LRRC8D: variants seen among roughly 807,000 people sequenced by gnomAD.
LRRC8D encodes the protein leucine rich repeat containing 8 VRAC subunit D.
In LRRC8D, 20 loss-of-function variants were observed where a neutral mutation model predicts 55.8. That is an observed-to-expected ratio of 0.36 (90% CI 0.25 to 0.52). The LOEUF is 0.52. LRRC8D is among the 20% of genes least tolerant of loss of function. The probability of loss-of-function intolerance (pLI) is 0.93; values close to 1 mark genes in which losing one functional copy is unlikely to be tolerated. For synonymous variants in LRRC8D, 352 were observed against 377.0 expected, an observed-to-expected ratio of 0.93 and a Z score of 0.77; for missense variants, 651 against 1,030.8, an observed-to-expected ratio of 0.63 and a Z score of 5.05.
chr1:89,903,268 G>A (rs540403056), intron 2 of LRRC8D, among the ~76,000 whole-genome samples: 148 of 152,338 alleles, frequency 9.7e-4, no homozygotes, highest in African/African-American at 3.4e-3. Context: ...CATTTGAGTT[G>A]TTGGACTGAT....
At position 89,933,267 on chromosome 1, in the gene LRRC8D, C is replaced by T; in HGVS notation, c.199C>T (p.His67Tyr). The T allele has an allele frequency of 6.2e-7, 1 of 1,614,184 alleles. No individual in the cohort carries two copies. The highest frequency in any genetic ancestry group is 8.5e-7 in the Non-Finnish European group (1 of 1,180,038). ...GCCATCTCCTGTAAATTCAAAGGCACATACACCACCAGGAAATGCCGAGGT... is the reference window on the plus strand; with the variant it reads ...GCCATCTCCTGTAAATTCAAAGGCATATACACCACCAGGAAATGCCGAGGT... ...VLPSPVNSKA[H>Y]TPPGNAEVTT... Residue 67 changes from histidine (H) to tyrosine (Y), a missense_variant, in exon 3 of 3, where the codon CAT becomes TAT. His to Tyr is a moderately conservative substitution (Grantham distance 83, BLOSUM62 2). Transcript: ENST00000337338. The surrounding 1 kb of genome is among the most constrained non-coding windows in gnomAD (Gnocchi z 7.0).
chr1:89,887,750 A>G (rs1662460107), intron 2 of LRRC8D, among the ~76,000 whole-genome samples: 1 of 152,182 alleles, frequency 6.6e-6, no homozygotes, highest in South Asian at 2.1e-4. Flanking sequence ...GCCTTATGCA[A>G]TCAAAATTTC....
At chr1:89,904,595 C>T (rs1334335085) in intron 2 of LRRC8D, among the ~76,000 whole-genome samples, 2 of 152,144 alleles carry the variant, frequency 1.3e-5, no homozygotes, top group Admixed American at 6.5e-5. Context: ...ACATGCTTTA[C>T]CTGGAGCTCT....
chr1:89,884,474 A>T (rs942030456), intron 2 of LRRC8D, among the ~76,000 whole-genome samples: 1 of 152,246 alleles, frequency 6.6e-6, no homozygotes, highest in Non-Finnish European at 1.5e-5. Flanking sequence ...AAGCAAAGAT[A>T]AGTATTGAAT....
Position 89,915,224 on chromosome 1 carries a change from G to A in LRRC8D, c.-2-17843G>A, listed in dbSNP as rs1049873351. Among the ~76,000 whole-genome samples, 10 of 152,224 alleles carry A rather than the reference G, an allele frequency of 6.6e-5. No individual in the cohort carries two copies. In the South Asian group the frequency reaches 1.0e-3, roughly 16 times the overall value. ...TCCTAAATACCTAACAGAGTGTAGC[G>A]TTTAGGAATGAATAGATTAATGATT... On this transcript the variant is annotated intron_variant, in intron 2 of 2. Coordinates refer to ENST00000337338, the MANE Select transcript of LRRC8D (RefSeq NM_001134479.2).
chr1:89,904,925 C>T (rs1455343032), intron 2 of LRRC8D, among the ~76,000 whole-genome samples: 2 of 152,098 alleles, frequency 1.3e-5, no homozygotes, highest in East Asian at 1.9e-4. Flanking sequence ...ATCCAGTATC[C>T]TTGCTGTTAT....
chr1:89,930,338 C>T lies in LRRC8D; in HGVS notation c.-2-2729C>T, dbSNP rs115110015. ...GCCTCCCAAGTAGCTGGGATTAAAG[C>T]GTGAACCACTATGCCTGGCTAATTT... is the stretch of plus-strand genomic sequence containing the variant. On this transcript the variant is annotated intron_variant, in intron 2 of 2. Coordinates refer to ENST00000337338, the MANE Select transcript of LRRC8D (RefSeq NM_001134479.2). Among the ~76,000 whole-genome samples the T allele has an allele frequency of 2.6e-3, 400 of 152,236 alleles. 1 individual carries two copies. Among genetic ancestry groups the T allele is most frequent in the African/African-American group, 9.2e-3 (382 of 41,554 alleles).
intron 2 of LRRC8D, among the ~76,000 whole-genome samples, chr1:89,899,713 G>A (rs1662804500): frequency 6.6e-6 from 1 of 152,224 alleles, no homozygotes; most frequent in African/African-American, 2.4e-5. Flanking sequence ...TGTCTTCTAT[G>A]TGGAACTTGT....
intron 2 of LRRC8D, among the ~76,000 whole-genome samples, chr1:89,928,359 C>T (rs1341390791): frequency 2.0e-5 from 3 of 152,140 alleles, no homozygotes; most frequent in Non-Finnish European, 2.9e-5. Flanking sequence ...ACGTGAGCCA[C>T]CATGCCCGGC....
At chr1:89,869,761 G>A (rs961553677) in intron 2 of LRRC8D, among the ~76,000 whole-genome samples, 2 of 152,142 alleles carry the variant, frequency 1.3e-5, no homozygotes, top group East Asian at 1.9e-4. Flanking sequence ...CAGATCTCTC[G>A]GCAGAAACCC....
At position 89,935,240 on chromosome 1, in the gene LRRC8D, A is replaced by G. The variant is rs1663812899; in HGVS notation, c.2172A>G (p.Ala724=). ...SNNKLESLPV[A]VFSLQKLRCL... Reference sequence around the variant, plus strand: ...ACAAGCTCGAATCCTTACCAGTGGCAGTATTTAGTTTACAGAAACTCAGAT... The same window carrying G: ...ACAAGCTCGAATCCTTACCAGTGGCGGTATTTAGTTTACAGAAACTCAGAT... Residue 724 remains alanine (A), a synonymous_variant, in exon 3 of 3, where the codon GCA becomes GCG. Transcript: ENST00000337338. 1 of 1,613,996 alleles carries G rather than the reference A, an allele frequency of 6.2e-7. No homozygotes were observed. The highest frequency in any genetic ancestry group is 8.5e-7 in the Non-Finnish European group (1 of 1,179,976).
intron 2 of LRRC8D, among the ~76,000 whole-genome samples, chr1:89,854,235 G>T (rs929696480): frequency 1.3e-5 from 2 of 152,202 alleles, no homozygotes; most frequent in Non-Finnish European, 2.9e-5. Context: ...GAAATCTGCT[G>T]AGAGTGTGGG....
rs1660752602 is a variant in LRRC8D, at chr1:89,825,993, G to A, written c.-148+4702G>A. 2.0e-5 allele frequency among the ~76,000 whole-genome samples: 3 copies of A among 152,222 alleles called. 1 individual carries two copies. The highest frequency in any genetic ancestry group is 3.8e-4 in the East Asian group (2 of 5,202). On this transcript the variant is annotated intron_variant, in intron 1 of 2. Transcript: ENST00000337338. ...CCTTTGTTAGTGTGTTGGCTGTCCA[G>A]ATGGTGCAGTCTACTTGGTTTCCCT...
intron 2 of LRRC8D, among the ~76,000 whole-genome samples, chr1:89,855,330 C>T (rs1661527012): frequency 6.6e-6 from 1 of 152,148 alleles, no homozygotes; most frequent in Non-Finnish European, 1.5e-5. Context: ...ACTGTCTGAG[C>T]CCCCTTTTAA....
intron 1 of LRRC8D, among the ~76,000 whole-genome samples, chr1:89,840,227 A>G (rs1043657308): frequency 7.8e-5 from 11 of 141,500 alleles, no homozygotes; most frequent in African/African-American, 2.4e-4. Context: ...ACACGTGCGC[A>G]TGCACACACA....
chr1:89,919,118 G>T (rs1292424869), intron 2 of LRRC8D, among the ~76,000 whole-genome samples: 1 of 152,124 alleles, frequency 6.6e-6, no homozygotes, highest in Non-Finnish European at 1.5e-5. Flanking sequence ...ATTCATTTCT[G>T]GTCTTACTGG....
intron 2 of LRRC8D, among the ~76,000 whole-genome samples, chr1:89,861,282 TCA>T (rs1237840146): frequency 6.6e-6 from 1 of 152,218 alleles, no homozygotes; most frequent in Non-Finnish European, 1.5e-5. Context: ...TCACTAAGCC[TCA>T]GTTTCCCCCT....
intron 2 of LRRC8D, among the ~76,000 whole-genome samples, chr1:89,894,816 C>A (rs939057408): frequency 2.6e-5 from 4 of 152,210 alleles, no homozygotes; most frequent in Non-Finnish European, 5.9e-5. Context: ...CCTTAAGATA[C>A]AAGTGTTCCA....
At chr1:89,864,925 T>A (rs1661805223) in intron 2 of LRRC8D, among the ~76,000 whole-genome samples, 1 of 152,208 alleles carries the variant, frequency 6.6e-6, no homozygotes, top group Non-Finnish European at 1.5e-5. Flanking sequence ...CCCCTTCTGC[T>A]CCTTCACTTT....
Sources: allele counts gnomAD v4.1 joint callset (sites outside exome capture counted in the v4.1 genomes callset), GRCh38; gene constraint gnomAD v4.1.1; non-coding constraint Gnocchi (gnomAD v3.1); transcripts MANE v1.5; gene names NCBI Gene and HGNC (gene_info 2026-07-23, HGNC 2026-07-21).